DYM: variants seen among roughly 807,000 people sequenced by gnomAD.
DYM encodes dymeclin, also known as dyggve-Melchior-Clausen syndrome protein.
DYM carries 78 observed loss-of-function variants against 93.1 expected under a neutral mutation model. That is an observed-to-expected ratio of 0.84 (90% confidence interval 0.70 to 1.01). The LOEUF is 1.01. Ranked by LOEUF, DYM falls within the 50% of genes least tolerant of loss-of-function variation. The pLI is 0.00. For synonymous variants in DYM, 321 were observed against 319.7 expected (o/e 1.00, Z -0.04); for missense variants, 789 against 845.0 (o/e 0.93, Z 0.82).
chr18:49,437,408 C>T (rs958494731), intron 1 of DYM, among the ~76,000 whole-genome samples: 2 of 152,038 alleles, frequency 1.3e-5, no homozygotes, highest in African/African-American at 4.8e-5. Context: ...TCTCAAATAC[C>T]ATATTGATGG....
chr18:49,331,747 AG>A, intron 8 of DYM, 116 bp downstream of exon 8: 1 of 1,112,026 alleles, frequency 9.0e-7, no homozygotes, highest in South Asian at 1.3e-5. Context: ...ACATTGAACC[AG>A]CTGCACAAAT....
intron 1 of DYM, among the ~76,000 whole-genome samples, chr18:49,441,056 TATATATATTA>T (rs2081425218): frequency 1.5e-4 from 1 of 6,786 alleles, no homozygotes; most frequent in Non-Finnish European, 3.3e-4. Context: ...ATAATATATT[TATATATATTA>T]TATATAAATA....
chr18:49,096,589 TAAAGTA>T (rs1164188921), intron 17 of DYM, among the ~76,000 whole-genome samples: 1 of 152,116 alleles, frequency 6.6e-6, no homozygotes, highest in African/African-American at 2.4e-5. Context: ...AAAAGAACAG[TAAAGTA>T]AAAGTAAGCT....
chr18:49,445,802 G>A (rs1428935583), intron 1 of DYM, among the ~76,000 whole-genome samples: 2 of 152,192 alleles, frequency 1.3e-5, no homozygotes, highest in Middle Eastern at 3.4e-3. Context: ...CCCACAGGCC[G>A]TTCAAAGTAT....
At chr18:49,364,164 G>T (rs1176735649) in intron 5 of DYM, among the ~76,000 whole-genome samples, 1 of 152,112 alleles carries the variant, frequency 6.6e-6, no homozygotes, top group Non-Finnish European at 1.5e-5. Context: ...TCACTCCTGG[G>T]CTGGGTGTGG....
chr18:49,123,524 A>G (rs1383601108), intron 15 of DYM, among the ~76,000 whole-genome samples: 2 of 152,170 alleles, frequency 1.3e-5, no homozygotes. Context: ...CCTAATTTCT[A>G]GCAGGGAATC....
chr18:49,150,436 T>G (rs569629848), intron 15 of DYM, among the ~76,000 whole-genome samples: 105 of 152,320 alleles, frequency 6.9e-4, no homozygotes, highest in African/African-American at 2.4e-3. Flanking sequence ...GAGAGCTTGC[T>G]CTTGGTCTCT....
intron 14 of DYM, among the ~76,000 whole-genome samples, chr18:49,164,632 T>C (rs973916821): frequency 1.3e-4 from 20 of 152,212 alleles, no homozygotes; most frequent in African/African-American, 4.6e-4. Context: ...AAGTGTCTTC[T>C]TGAATGTTTG....
chr18:49,433,959 C>T (rs1484805111), intron 1 of DYM, among the ~76,000 whole-genome samples: 1 of 152,164 alleles, frequency 6.6e-6, no homozygotes, highest in Non-Finnish European at 1.5e-5. Flanking sequence ...CCTGTAATTC[C>T]AGCACCCTGA....
chr18:49,205,104 G>A (rs2092401276), intron 14 of DYM, among the ~76,000 whole-genome samples: 1 of 152,148 alleles, frequency 6.6e-6, no homozygotes, highest in African/African-American at 2.4e-5. Context: ...GGGACTACAG[G>A]CATGTACCAC....
intron 17 of DYM, among the ~76,000 whole-genome samples, chr18:49,078,371 A>G (rs1251590729): frequency 6.6e-6 from 1 of 151,068 alleles, no homozygotes. Flanking sequence ...AAATATACCT[A>G]TGCACCCACA....
At chr18:49,223,522 A>AT (rs1459100139) in intron 13 of DYM, among the ~76,000 whole-genome samples, 1 of 152,062 alleles carries the variant, frequency 6.6e-6, no homozygotes, top group South Asian at 2.1e-4. Context: ...AAATAAACAT[A>AT]TTTTTTTCAA....
At chr18:49,054,595 C>T (rs769250778) in intron 17 of DYM, among the ~76,000 whole-genome samples, 5 of 152,170 alleles carry the variant, frequency 3.3e-5, no homozygotes, top group Non-Finnish European at 7.3e-5. Context: ...TTAGAAGTTA[C>T]AAGTTAAGAA....
intron 17 of DYM, among the ~76,000 whole-genome samples, chr18:49,073,570 C>T (rs72921666): frequency 0.035 from 5,266 of 152,116 alleles, 112 homozygotes; most frequent in Middle Eastern, 0.051. Context: ...AAATCTGAAA[C>T]GAGTGAGCTT....
intron 17 of DYM, chr18:49,097,060 A>G (rs1239095236): frequency 5.2e-6 from 2 of 384,698 alleles, no homozygotes; most frequent in Non-Finnish European, 9.9e-6. Flanking sequence ...CTATGGAAAT[A>G]TTAGCTACTC....
intron 6 of DYM, among the ~76,000 whole-genome samples, chr18:49,348,804 G>A (rs1417307800): frequency 6.6e-6 from 1 of 151,280 alleles, no homozygotes; most frequent in East Asian, 1.9e-4. Flanking sequence ...AGCTACTCGG[G>A]AGGCTGAGGC....
intron 8 of DYM, among the ~76,000 whole-genome samples, chr18:49,307,680 G>T (rs1370058736): frequency 6.6e-6 from 1 of 152,102 alleles, no homozygotes; most frequent in African/African-American, 2.4e-5. Context: ...TCCATACCCT[G>T]TCCTTCATGT....
intron 6 of DYM, among the ~76,000 whole-genome samples, chr18:49,350,386 G>T (rs1033774959): frequency 6.6e-6 from 1 of 152,164 alleles, no homozygotes; most frequent in African/African-American, 2.4e-5. Flanking sequence ...TTACAGAATA[G>T]TCTGTCTGGC....
chr18:49,448,866 G>A (rs527274137), intron 1 of DYM, among the ~76,000 whole-genome samples: 10 of 152,294 alleles, frequency 6.6e-5, no homozygotes, highest in East Asian at 3.9e-4. Flanking sequence ...CTTTGCAAGC[G>A]TTACAGAATT....
Sources: gnomAD v4.1 joint callset for allele counts (sites outside exome capture counted in the v4.1 genomes callset) on GRCh38, gnomAD v4.1.1 for gene constraint, MANE v1.5 for transcripts, NCBI Gene and HGNC (gene_info 2026-07-23, HGNC 2026-07-21) for gene names.